Variants in ATP10D observed in about 807,000 individuals in gnomAD.
The protein encoded by ATP10D is ATPase phospholipid transporting 10D (putative).
Under a neutral mutation model 144.8 loss-of-function variants are expected in ATP10D, and 89 were observed. That is an observed-to-expected ratio of 0.61 (90% CI 0.52 to 0.73). The LOEUF is 0.73. Among genes scored for constraint, ATP10D ranks in the 30% least tolerant of loss-of-function variants. The pLI, the probability that ATP10D is intolerant of heterozygous loss-of-function variation, is 0.00. For missense variants in ATP10D, 1,603 were observed against 1,714.8 expected, an observed-to-expected ratio of 0.93 and a Z score of 1.15; for synonymous variants, 571 against 615.1, an observed-to-expected ratio of 0.93 and a Z score of 1.06.
rs1719107160 is a variant in ATP10D, at chr4:47,558,362, C to T, written c.2434+89C>T. The T allele has an allele frequency of 4.0e-6, 6 of 1,494,934 alleles. No homozygotes were observed. In the South Asian group the frequency reaches 7.9e-5, roughly 20 times the overall value. The allele number at this position is 1,494,934 out of a possible 1,614,324, so 92.6% of individuals were successfully genotyped here. On this transcript the variant is annotated intron_variant, in intron 12 of 22. Coordinates refer to ENST00000273859, the MANE Select transcript of ATP10D (RefSeq NM_020453.4). Reference sequence around the variant, plus strand: ...TGATGGCTTTATAAAGGCAAAGAAACAGCTATCTGGGGACTAATCACATTT... The same window carrying T: ...TGATGGCTTTATAAAGGCAAAGAAATAGCTATCTGGGGACTAATCACATTT...
rs141305590 is a variant in ATP10D, at chr4:47,580,526, G to A, written c.3648+48G>A. 6.1e-3 allele frequency: 9,357 copies of A among 1,530,850 alleles called. 36 individuals are homozygous for A. Among genetic ancestry groups the A allele is most frequent in the Non-Finnish European group, 7.5e-3 (8,310 of 1,104,448 alleles). 94.8% of individuals were successfully genotyped at this position (1,530,850 alleles called of 1,614,324 possible). On this transcript the variant is annotated intron_variant, in intron 20 of 22. Transcript: ENST00000273859. ...TATTTGTTATTAATGAATCAATGAT[G>A]CTTCTTTGTACTTTGCCACCAATTT...
intron 21 of ATP10D, among the ~76,000 whole-genome samples, chr4:47,584,103 G>A (rs924182223): frequency 1.3e-5 from 2 of 152,112 alleles, no homozygotes; most frequent in African/African-American, 2.4e-5. Context: ...CTGTTTAAAG[G>A]ATGCATCATT....
chr4:47,491,438 C>T (rs1402226371), intron 1 of ATP10D: 2 of 711,640 alleles, frequency 2.8e-6, no homozygotes, highest in Non-Finnish European at 5.1e-6. Flanking sequence ...GGGTGCCGCT[C>T]CTCTTTCCCT....
At chr4:47,547,654 GACA>G (rs1274984082) in intron 10 of ATP10D, 3 of 141,644 alleles carry the variant, frequency 2.1e-5, no homozygotes, top group Non-Finnish European at 4.7e-5. Flanking sequence ...CAAAATAGGT[GACA>G]ACAAGAATAA....
intron 21 of ATP10D, among the ~76,000 whole-genome samples, chr4:47,584,993 T>C (rs1028951801): frequency 6.6e-6 from 1 of 152,184 alleles, no homozygotes; most frequent in Non-Finnish European, 1.5e-5. Context: ...AAAAGCAGTG[T>C]TTCCCTAAAA....
intron 2 of ATP10D, among the ~76,000 whole-genome samples, chr4:47,513,822 C>T (rs1261189304): frequency 2.0e-5 from 3 of 152,118 alleles, no homozygotes. Context: ...ACTATGGAAG[C>T]AGTGTGGTGG....
At position 47,508,003 on chromosome 4, in the gene ATP10D, T is replaced by C. The variant is rs77925406; in HGVS notation, c.-37-4501T>C. Among the ~76,000 whole-genome samples, 670 of 152,322 alleles carry C rather than the reference T, an allele frequency of 4.4e-3. 7 individuals carry two copies. The highest frequency in any genetic ancestry group is 0.035 in the East Asian group (182 of 5,182). On this transcript the variant is annotated intron_variant, in intron 1 of 22. Coordinates refer to ENST00000273859, the MANE Select transcript of ATP10D (RefSeq NM_020453.4). ...AACCTCCTTAACTCATTGGGAGTAC[T>C]AACTAAATTACATATTCATAGACCC...
At chr4:47,583,620 A>G (rs1720638044) in intron 21 of ATP10D, among the ~76,000 whole-genome samples, 1 of 152,220 alleles carries the variant, frequency 6.6e-6, no homozygotes, top group Non-Finnish European at 1.5e-5. Flanking sequence ...TTTTTAAGCA[A>G]TTGCATTGGT....
chr4:47,530,341 G>T (rs751002291), intron 5 of ATP10D, among the ~76,000 whole-genome samples: 1 of 152,096 alleles, frequency 6.6e-6, no homozygotes, highest in Non-Finnish European at 1.5e-5. Flanking sequence ...CACCTAGTTT[G>T]TTGAGGATTT....
At chr4:47,571,093 C>A (rs1719926820) in intron 16 of ATP10D, among the ~76,000 whole-genome samples, 1 of 151,976 alleles carries the variant, frequency 6.6e-6, no homozygotes, top group Non-Finnish European at 1.5e-5. Flanking sequence ...AAGATAGCAT[C>A]ACTTTTCAGA....
intron 1 of ATP10D, among the ~76,000 whole-genome samples, chr4:47,498,946 G>T (rs1226988028): frequency 1.3e-5 from 2 of 152,174 alleles, no homozygotes; most frequent in Admixed American, 1.3e-4. Context: ...AATGAGTAAA[G>T]ATCACACACT....
At chr4:47,550,201 C>T (rs925934206) in intron 10 of ATP10D, among the ~76,000 whole-genome samples, 1 of 152,118 alleles carries the variant, frequency 6.6e-6, no homozygotes, top group African/African-American at 2.4e-5. Flanking sequence ...TCTTTGTCCA[C>T]TACTAAACCG....
intron 20 of ATP10D, among the ~76,000 whole-genome samples, chr4:47,581,555 T>A (rs1054175141): frequency 6.6e-6 from 1 of 152,184 alleles, no homozygotes; most frequent in African/African-American, 2.4e-5. Flanking sequence ...GAGAAAATTG[T>A]GTCATTAGAG....
chr4:47,522,186 T>C (rs753761827), intron 3 of ATP10D, among the ~76,000 whole-genome samples: 29 of 152,192 alleles, frequency 1.9e-4, no homozygotes, highest in Non-Finnish European at 3.7e-4. Flanking sequence ...TATACAAATG[T>C]CCTCATTTTA....
chr4:47,571,586 A>T (rs1417621741), intron 16 of ATP10D, among the ~76,000 whole-genome samples: 1 of 152,180 alleles, frequency 6.6e-6, no homozygotes, highest in Admixed American at 6.5e-5. Flanking sequence ...TCAGTTGTTC[A>T]TTACCAGCAG....
intron 1 of ATP10D, among the ~76,000 whole-genome samples, chr4:47,498,172 A>G (rs1715496490): frequency 6.6e-6 from 1 of 152,086 alleles, no homozygotes; most frequent in South Asian, 2.1e-4. Context: ...TGAACCCATG[A>G]CTCGGAAATA....
chr4:47,580,961 G>A (rs537404730), intron 20 of ATP10D, among the ~76,000 whole-genome samples: 1 of 152,240 alleles, frequency 6.6e-6, no homozygotes, highest in Non-Finnish European at 1.5e-5. Flanking sequence ...TATTTGGGAG[G>A]CTGAGGTAGG....
At chr4:47,586,629 A>C (rs1397096897) in intron 21 of ATP10D, among the ~76,000 whole-genome samples, 1 of 152,192 alleles carries the variant, frequency 6.6e-6, no homozygotes, top group Non-Finnish European at 1.5e-5. Context: ...GTACTGTCTA[A>C]CACCTATTTG....
chr4:47,562,715 A>G (rs1719384927), intron 14 of ATP10D, among the ~76,000 whole-genome samples: 2 of 152,192 alleles, frequency 1.3e-5, no homozygotes, highest in Non-Finnish European at 2.9e-5. Context: ...AAAAGAAATC[A>G]TTATATCAAA....
Sources: allele counts gnomAD v4.1 joint callset (sites outside exome capture counted in the v4.1 genomes callset), GRCh38; gene constraint gnomAD v4.1.1; transcripts MANE v1.5; gene names NCBI Gene and HGNC (gene_info 2026-07-23, HGNC 2026-07-21).